ZNF717: variants seen among roughly 807,000 people sequenced by gnomAD.
The protein encoded by ZNF717 is krueppel-like factor X17.
Under a neutral mutation model 13.8 loss-of-function variants are expected in ZNF717, and 9 were observed. That is an observed-to-expected ratio of 0.65 (90% confidence interval 0.39 to 1.14). The LOEUF is 1.14. Ranked by LOEUF, ZNF717 falls within the 50% of genes most tolerant of loss-of-function variation. The pLI is 0.01. For synonymous variants in ZNF717, 327 were observed against 364.1 expected (o/e 0.90, Z 1.16); for missense variants, 1,040 against 1,080.7 (o/e 0.96, Z 0.53).
At position 75,782,036 on chromosome 3, in the gene ZNF717, C is replaced by G. The variant is rs1270818066; in HGVS notation, c.57+1270G>C. 3.3e-5 allele frequency among the ~76,000 whole-genome samples: 5 copies of G among 152,270 alleles called. No individual in the cohort carries two copies. In the East Asian group the frequency reaches 9.7e-4, roughly 29 times the overall value. On this transcript the variant is annotated intron_variant, in intron 2 of 4. Transcript: ENST00000652011. The stretch of plus-strand genomic sequence containing the variant: ...GGGCCGAGAGAATTTCGTGCGTTAG[C>G]CATCTCTCAGTCGCTGGCTAATAAA...
At chr3:75,778,521 C>T (rs191454631) in intron 2 of ZNF717, among the ~76,000 whole-genome samples, 18 of 148,228 alleles carry the variant, frequency 1.2e-4, no homozygotes, top group African/African-American at 3.7e-4. Flanking sequence ...ATGGCAGTGA[C>T]GTGCTAAACC....
chr3:75,744,210 T>TG (rs1487236188), intron 2 of ZNF717, among the ~76,000 whole-genome samples: 9 of 152,348 alleles, frequency 5.9e-5, no homozygotes, highest in East Asian at 3.9e-4. Context: ...CATAGTCCTG[T>TG]GGAAAAAAAT....
intron 2 of ZNF717, among the ~76,000 whole-genome samples, chr3:75,751,206 G>A (rs1575832657): frequency 6.6e-6 from 1 of 151,604 alleles, no homozygotes; most frequent in Non-Finnish European, 1.5e-5. Flanking sequence ...ACTGCTAGGA[G>A]TGTCTGAATG....
chr3:75,761,905 T>A (rs1241061824), intron 2 of ZNF717, among the ~76,000 whole-genome samples: 3 of 152,158 alleles, frequency 2.0e-5, no homozygotes, highest in Non-Finnish European at 4.4e-5. Context: ...AATACAAAAA[T>A]TAGCTGGGCA....
intron 2 of ZNF717, among the ~76,000 whole-genome samples, chr3:75,756,541 T>C (rs1387816538): frequency 6.6e-6 from 1 of 152,262 alleles, no homozygotes; most frequent in Admixed American, 6.5e-5. Flanking sequence ...AAATTTAAAG[T>C]ACTACTCCAG....
chr3:75,773,522 T>C (rs904064609), intron 2 of ZNF717, among the ~76,000 whole-genome samples: 10 of 152,204 alleles, frequency 6.6e-5, no homozygotes, highest in Admixed American at 5.9e-4. Flanking sequence ...GTTTGAGTCT[T>C]ACCAGTTTGA....
At chr3:75,757,362 G>C (rs1244281488) in intron 2 of ZNF717, among the ~76,000 whole-genome samples, 1 of 152,192 alleles carries the variant, frequency 6.6e-6, no homozygotes, top group East Asian at 1.9e-4. Context: ...GAAAATCCAA[G>C]GGCCCTGAAG....
At chr3:75,740,570 ATTTTTTTT>A (rs63657763) in intron 4 of ZNF717, among the ~76,000 whole-genome samples, 21 of 124,890 alleles carry the variant, frequency 1.7e-4, no homozygotes, top group East Asian at 4.7e-4. Context: ...GTACTCAGCT[ATTTTTTTT>A]TTTTTTTTTT....
chr3:75,752,988 T>C (rs1443626449), intron 2 of ZNF717, among the ~76,000 whole-genome samples: 5 of 148,322 alleles, frequency 3.4e-5, no homozygotes, highest in Non-Finnish European at 6.0e-5. Flanking sequence ...TCACATAGGA[T>C]TCCAGAACAC....
At chr3:75,783,245 G>A in intron 2 of ZNF717, 61 bp downstream of exon 2, 1 of 1,266,026 alleles carries the variant, frequency 7.9e-7, no homozygotes, top group Non-Finnish European at 1.1e-6. Flanking sequence ...TTAATTCACA[G>A]ACACCCATAA....
At chr3:75,768,338 C>T (rs1393102048) in intron 2 of ZNF717, among the ~76,000 whole-genome samples, 5 of 131,362 alleles carry the variant, frequency 3.8e-5, no homozygotes, top group African/African-American at 1.5e-4. Flanking sequence ...CAACCTGATT[C>T]AGTCCTCACT....
In ZNF717 at chr3:75,748,673, G is replaced by T. The variant is rs1423942624; in HGVS notation, c.58-6937C>A. Among the ~76,000 whole-genome samples the T allele has an allele frequency of 2.0e-5, 3 of 152,208 alleles. No homozygotes were observed. In the South Asian group the frequency reaches 6.2e-4, roughly 32 times the overall value. On this transcript the variant is annotated intron_variant, in intron 2 of 4. Coordinates refer to ENST00000652011, the MANE Select transcript of ZNF717 (RefSeq NM_001290208.3). ...CGCTAAAAAACTCTCAATGAATTAG[G>T]TATTGATGCGACATATCTAAAAATA...
intron 2 of ZNF717, among the ~76,000 whole-genome samples, chr3:75,781,074 T>A (rs1164857167): frequency 6.6e-6 from 1 of 152,268 alleles, no homozygotes; most frequent in Non-Finnish European, 1.5e-5. Context: ...GGGAAGGAAT[T>A]GTTAAAGTGA....
At chr3:75,762,485 A>G (rs1342115718) in intron 2 of ZNF717, among the ~76,000 whole-genome samples, 1 of 152,074 alleles carries the variant, frequency 6.6e-6, no homozygotes, top group African/African-American at 2.4e-5. Flanking sequence ...CAGCATTTTA[A>G]AAACTAGAAA....
At chr3:75,777,622 G>A (rs112135326) in intron 2 of ZNF717, among the ~76,000 whole-genome samples, 3,572 of 150,614 alleles carry the variant, frequency 0.024, 146 homozygotes, top group African/African-American at 0.081. Context: ...TGCTAAAACC[G>A]GAACCCAAAA....
chr3:75,759,496 C>T (rs59225428), intron 2 of ZNF717, among the ~76,000 whole-genome samples: 2 of 152,162 alleles, frequency 1.3e-5, no homozygotes, highest in Non-Finnish European at 2.9e-5. Flanking sequence ...CGGATGGTCT[C>T]GATCTCCTGA....
chr3:75,766,023 G>T (rs909300229), intron 2 of ZNF717, among the ~76,000 whole-genome samples: 2 of 152,180 alleles, frequency 1.3e-5, no homozygotes, highest in Admixed American at 1.3e-4. Context: ...GTGAGGACTG[G>T]TTGGGCCTGG....
At chr3:75,706,799 G>T (rs1339743270), downstream of ZNF717, among the ~76,000 whole-genome samples, 2 of 152,236 alleles carry the variant, frequency 1.3e-5, no homozygotes, top group African/African-American at 4.8e-5. Flanking sequence ...TTCATATTAG[G>T]TATGGGAGCA....
At chr3:75,765,439 C>G (rs1314112837) in intron 2 of ZNF717, among the ~76,000 whole-genome samples, 1 of 152,190 alleles carries the variant, frequency 6.6e-6, no homozygotes, top group Middle Eastern at 3.2e-3. Context: ...GATACAGGGT[C>G]TTACTCTGTT....
Sources: gnomAD v4.1 joint callset for allele counts (sites outside exome capture counted in the v4.1 genomes callset) on GRCh38, gnomAD v4.1.1 for gene constraint, MANE v1.5 for transcripts, NCBI Gene and HGNC (gene_info 2026-07-23, HGNC 2026-07-21) for gene names.